Variants in RAB28 observed in about 807,000 individuals in gnomAD.
The protein encoded by RAB28 is RAB28, member RAS oncogene family.
RAB28 carries 24 observed loss-of-function variants against 31.7 expected under a neutral mutation model. The ratio of observed to expected loss-of-function variants is 0.76; its 90% confidence interval spans 0.55 to 1.06. The LOEUF (loss-of-function observed/expected upper bound fraction) is 1.06, where lower values mean the gene tolerates loss of function less well. Among genes scored for constraint, RAB28 ranks in the 50% least tolerant of loss-of-function variants. The pLI is 0.00. For missense variants in RAB28, 254 were observed against 258.5 expected, an observed-to-expected ratio of 0.98 and a Z score of 0.12; for synonymous variants, 100 against 90.4, an observed-to-expected ratio of 1.11 and a Z score of -0.60.
intron 4 of RAB28, among the ~76,000 whole-genome samples, chr4:13,430,213 G>A (rs1045762780): frequency 1.6e-4 from 25 of 152,080 alleles, no homozygotes; most frequent in African/African-American, 6.0e-4. Flanking sequence ...AGAACAAGGA[G>A]CAGAAAACAG....
intron 5 of RAB28, among the ~76,000 whole-genome samples, chr4:13,379,647 G>T (rs1729053440): frequency 6.6e-6 from 1 of 152,124 alleles, no homozygotes; most frequent in South Asian, 2.1e-4. Context: ...ATAGAAGATG[G>T]TTGGTGGTTA....
chr4:13,480,133 G>A (rs1247061074), intron 1 of RAB28, among the ~76,000 whole-genome samples: 2 of 151,692 alleles, frequency 1.3e-5, no homozygotes, highest in South Asian at 2.1e-4. Flanking sequence ...CAGACAAAAT[G>A]AATATTTTCC....
intron 4 of RAB28, among the ~76,000 whole-genome samples, chr4:13,441,840 A>T (rs1714430848): frequency 6.6e-6 from 1 of 152,216 alleles, no homozygotes; most frequent in South Asian, 2.1e-4. Context: ...CCAAATCCAT[A>T]AAGCCCAAGA....
intron 2 of RAB28, among the ~76,000 whole-genome samples, chr4:13,474,801 A>G (rs1415498341): frequency 6.6e-6 from 1 of 151,676 alleles, no homozygotes; most frequent in African/African-American, 2.4e-5. Context: ...ATCCAATCAT[A>G]CATATGAATT....
chr4:13,474,629 C>T (rs1402221290), intron 2 of RAB28, among the ~76,000 whole-genome samples: 6 of 151,438 alleles, frequency 4.0e-5, no homozygotes, highest in South Asian at 2.1e-4. Flanking sequence ...TCCATGGAAC[C>T]ATATTTACAA....
chr4:13,443,568 A>G (rs1714529969), intron 4 of RAB28, among the ~76,000 whole-genome samples: 1 of 152,216 alleles, frequency 6.6e-6, no homozygotes, highest in Non-Finnish European at 1.5e-5. Context: ...AATTGACATA[A>G]AAATTGTATA....
intron 4 of RAB28, among the ~76,000 whole-genome samples, chr4:13,408,052 G>A (rs920970252): frequency 3.3e-5 from 5 of 152,104 alleles, no homozygotes; most frequent in African/African-American, 1.2e-4. Context: ...ATACTATGTC[G>A]AATAGGAGTG....
chr4:13,480,728 A>C (rs913635882), intron 1 of RAB28, among the ~76,000 whole-genome samples: 4 of 151,978 alleles, frequency 2.6e-5, no homozygotes, highest in Non-Finnish European at 5.9e-5. Flanking sequence ...TAATTGGCCA[A>C]GTATTTGTTG....
intron 4 of RAB28, among the ~76,000 whole-genome samples, chr4:13,391,106 G>C (rs932729748): frequency 3.3e-5 from 5 of 152,162 alleles, no homozygotes; most frequent in Admixed American, 6.5e-5. Flanking sequence ...ACTACCATCA[G>C]AGTGAACAGG....
intron 5 of RAB28, 139 bp downstream of exon 5, chr4:13,381,352 T>A: frequency 1.7e-6 from 1 of 571,918 alleles, no homozygotes; most frequent in Non-Finnish European, 3.1e-6. Context: ...AGAATAAACA[T>A]GTTATATCTA....
intron 4 of RAB28, among the ~76,000 whole-genome samples, chr4:13,451,394 T>C (rs1714959433): frequency 6.8e-6 from 1 of 147,940 alleles, no homozygotes; most frequent in African/African-American, 2.5e-5. Flanking sequence ...GTTTTTGGGG[T>C]GGGTTTTTTT....
chr4:13,423,053 G>T (rs979689553), intron 4 of RAB28, among the ~76,000 whole-genome samples: 1 of 152,014 alleles, frequency 6.6e-6, no homozygotes, highest in Non-Finnish European at 1.5e-5. Flanking sequence ...GACTTATTTT[G>T]AAATGCATCA....
intron 4 of RAB28, 61 bp from the exon 5 acceptor site, chr4:13,381,655 C>A: frequency 8.0e-7 from 1 of 1,244,918 alleles, no homozygotes; most frequent in Admixed American, 2.3e-5. Flanking sequence ...ACGTTTTTAA[C>A]ATGTTTAAAT....
intron 4 of RAB28, among the ~76,000 whole-genome samples, chr4:13,437,034 T>C (rs1229387350): frequency 6.6e-6 from 1 of 151,998 alleles, no homozygotes; most frequent in Non-Finnish European, 1.5e-5. Flanking sequence ...TTGAACAAAA[T>C]AGAGAACCCA....
intron 4 of RAB28, among the ~76,000 whole-genome samples, chr4:13,431,134 G>A (rs1175785044): frequency 2.0e-5 from 3 of 152,168 alleles, no homozygotes; most frequent in African/African-American, 7.2e-5. Flanking sequence ...ACAAAAAGTG[G>A]CAGCAACCCA....
intron 4 of RAB28, among the ~76,000 whole-genome samples, chr4:13,427,528 A>C (rs1225646965): frequency 6.6e-6 from 1 of 152,228 alleles, no homozygotes; most frequent in African/African-American, 2.4e-5. Context: ...CAAGGTAACA[A>C]TTAAAAATTA....
In RAB28 at chr4:13,431,771, G is replaced by GA. The variant is rs1232712710; in HGVS notation, c.391+28927dup. Among the ~76,000 whole-genome samples, 4 of 150,298 alleles carry GA rather than the reference G, an allele frequency of 2.7e-5. No individual in the cohort carries two copies. In the South Asian group the frequency reaches 6.6e-4, roughly 25 times the overall value. ...TATACACTACAGTAATACCCTCAAG[G>GA]AAAAAAAGAATTAAAAAAGTAAAAA... On this transcript the variant is annotated intron_variant, in intron 4 of 6. Coordinates refer to ENST00000330852, the MANE Select transcript of RAB28 (RefSeq NM_001017979.3).
chr4:13,370,263 T>G, intron 6 of RAB28: 1 of 963,148 alleles, frequency 1.0e-6, no homozygotes, highest in East Asian at 1.2e-4. Context: ...AAGTTCCATT[T>G]TTGATAACAC....
At chr4:13,387,391 T>C (rs1389745050) in intron 4 of RAB28, among the ~76,000 whole-genome samples, 11 of 152,094 alleles carry the variant, frequency 7.2e-5, no homozygotes, top group Admixed American at 6.5e-4. Flanking sequence ...GTGAAGCCTA[T>C]TTTACATTTT....
Sources: allele counts gnomAD v4.1 joint callset (sites outside exome capture counted in the v4.1 genomes callset), GRCh38; gene constraint gnomAD v4.1.1; transcripts MANE v1.5; gene names NCBI Gene and HGNC (gene_info 2026-07-23, HGNC 2026-07-21).